TRPM3: variants seen among roughly 807,000 people sequenced by gnomAD.
TRPM3 encodes transient receptor potential cation channel subfamily M member 3, also known as long transient receptor potential channel 3.
In TRPM3, 77 loss-of-function variants were observed where a neutral mutation model predicts 181.2. That is an observed-to-expected ratio of 0.42 (90% CI 0.35 to 0.51). The LOEUF (loss-of-function observed/expected upper bound fraction) is 0.51, where lower values mean the gene tolerates loss of function less well. TRPM3 is among the 20% of genes least tolerant of loss of function. The pLI, the probability that TRPM3 is intolerant of heterozygous loss-of-function variation, is 0.01. For synonymous variants in TRPM3, 745 were observed against 796.4 expected (o/e 0.94, Z 1.09); for missense variants, 1,759 against 2,196.7 (o/e 0.80, Z 3.98).
intron 1 of TRPM3, among the ~76,000 whole-genome samples, chr9:71,314,325 T>C (rs1588444481): frequency 6.6e-6 from 1 of 152,300 alleles, no homozygotes; most frequent in South Asian, 2.1e-4. Context: ...ATCAAACTTA[T>C]TTTCCACATA....
At chr9:70,586,006 G>A (rs559506405) in intron 22 of TRPM3, among the ~76,000 whole-genome samples, 1 of 152,130 alleles carries the variant, frequency 6.6e-6, no homozygotes, top group South Asian at 2.1e-4. Flanking sequence ...ATACTAATTC[G>A]CAGTTTGGAA....
At chr9:70,635,541 C>A (rs1209725616) in intron 11 of TRPM3, among the ~76,000 whole-genome samples, 1 of 146,790 alleles carries the variant, frequency 6.8e-6, no homozygotes, top group Non-Finnish European at 1.5e-5. Context: ...CAGCTCACTG[C>A]AGCCTCGAAC....
chr9:71,357,207 G>A (rs1037312910), intron 1 of TRPM3, among the ~76,000 whole-genome samples: 85 of 152,112 alleles, frequency 5.6e-4, no homozygotes, highest in African/African-American at 2.0e-3. Flanking sequence ...TTCAAACACT[G>A]CAAGCTTTAC....
intron 10 of TRPM3, 59 bp from the exon 11 acceptor site, chr9:70,639,253 T>C: frequency 3.2e-6 from 5 of 1,587,060 alleles, no homozygotes; most frequent in East Asian, 2.2e-5. Context: ...TGCAGTTCTT[T>C]AGTGTTCACT....
chr9:71,013,834 T>G (rs533864807), intron 1 of TRPM3, among the ~76,000 whole-genome samples: 1 of 152,192 alleles, frequency 6.6e-6, no homozygotes, highest in East Asian at 1.9e-4. Context: ...CCCTTAGTTT[T>G]GATAATCATT....
At chr9:71,288,913 A>G (rs1445280196) in intron 1 of TRPM3, among the ~76,000 whole-genome samples, 5 of 151,894 alleles carry the variant, frequency 3.3e-5, no homozygotes, top group African/African-American at 1.2e-4. Flanking sequence ...CTTGGTTTTG[A>G]CTCTAGGTGG....
intron 1 of TRPM3, among the ~76,000 whole-genome samples, chr9:71,307,382 A>C (rs1312274698): frequency 1.3e-5 from 2 of 151,664 alleles, no homozygotes; most frequent in African/African-American, 4.8e-5. Context: ...TAAATTTAGA[A>C]TTTTTTCATC....
At chr9:70,693,682 C>A (rs187410444) in intron 8 of TRPM3, among the ~76,000 whole-genome samples, 285 of 152,230 alleles carry the variant, frequency 1.9e-3, no homozygotes, top group Non-Finnish European at 2.3e-3. Context: ...TCAAACTAGT[C>A]CAGTTCCCCT....
chr9:71,208,496 T>A (rs562006091), intron 1 of TRPM3, among the ~76,000 whole-genome samples: 207 of 152,316 alleles, frequency 1.4e-3, no homozygotes, highest in African/African-American at 4.6e-3. Flanking sequence ...GGTGTTGGTA[T>A]TCTTAAGAAT....
intron 9 of TRPM3, among the ~76,000 whole-genome samples, chr9:70,647,318 C>T (rs1488388778): frequency 6.6e-6 from 1 of 152,116 alleles, no homozygotes; most frequent in Non-Finnish European, 1.5e-5. Context: ...CTGAATCCAG[C>T]AGCACATCAA....
chr9:70,955,985 T>C (rs915441392), intron 1 of TRPM3, among the ~76,000 whole-genome samples: 2 of 152,200 alleles, frequency 1.3e-5, no homozygotes, highest in African/African-American at 4.8e-5. Flanking sequence ...CAGTGGCCAA[T>C]ATCAATTAGT....
chr9:71,163,818 A>G (rs1587725650), intron 1 of TRPM3, among the ~76,000 whole-genome samples: 1 of 152,168 alleles, frequency 6.6e-6, no homozygotes, highest in South Asian at 2.1e-4. Context: ...CAGATCCTGG[A>G]AAGAGGGATT....
At chr9:70,844,107 G>A (rs1589152726) in intron 4 of TRPM3, among the ~76,000 whole-genome samples, 4 of 152,292 alleles carry the variant, frequency 2.6e-5, no homozygotes, top group Admixed American at 6.5e-5. Context: ...AACTGTTTGA[G>A]AGGGAAGTTG....
At chr9:70,560,408 A>G (rs1449387938) in intron 22 of TRPM3, among the ~76,000 whole-genome samples, 1 of 152,226 alleles carries the variant, frequency 6.6e-6, no homozygotes, top group Non-Finnish European at 1.5e-5. Flanking sequence ...ATGTAATATT[A>G]GTGGCCACCT....
intron 22 of TRPM3, among the ~76,000 whole-genome samples, chr9:70,557,787 G>C (rs184432435): frequency 6.6e-6 from 1 of 152,158 alleles, no homozygotes; most frequent in Non-Finnish European, 1.5e-5. Context: ...CCTTTTGCAA[G>C]AGGCAAATGC....
intron 6 of TRPM3, among the ~76,000 whole-genome samples, chr9:70,819,696 T>C (rs1385485676): frequency 6.6e-6 from 1 of 152,184 alleles, no homozygotes; most frequent in Non-Finnish European, 1.5e-5. Flanking sequence ...GGGGAAATAA[T>C]CCCTTAGACT....
intron 1 of TRPM3, among the ~76,000 whole-genome samples, chr9:71,254,909 G>A (rs942412708): frequency 1.3e-5 from 2 of 152,184 alleles, no homozygotes; most frequent in South Asian, 2.1e-4. Flanking sequence ...TCATCCAGAT[G>A]AGAATGGCTG....
At chr9:71,002,948 T>C (rs2097625883) in intron 1 of TRPM3, among the ~76,000 whole-genome samples, 1 of 152,152 alleles carries the variant, frequency 6.6e-6, no homozygotes. Flanking sequence ...GTAATAATTG[T>C]CATTGTTATT....
At chr9:70,816,198 G>A (rs1333199436) in intron 6 of TRPM3, among the ~76,000 whole-genome samples, 1 of 152,180 alleles carries the variant, frequency 6.6e-6, no homozygotes, top group Non-Finnish European at 1.5e-5. Flanking sequence ...GAGAACTCTA[G>A]CTAGTAATTA....
Sources: gnomAD v4.1 joint callset for allele counts (sites outside exome capture counted in the v4.1 genomes callset) on GRCh38, gnomAD v4.1.1 for gene constraint, MANE v1.5 for transcripts, NCBI Gene and HGNC (gene_info 2026-07-23, HGNC 2026-07-21) for gene names.